GRIP1: variants seen among roughly 807,000 people sequenced by gnomAD.
GRIP1 encodes the protein glutamate receptor interacting protein 1.
GRIP1 carries 45 observed loss-of-function variants against 129.9 expected under a neutral mutation model. The observed-to-expected ratio is 0.35, with a 90% CI of 0.27 to 0.44. The LOEUF is 0.44. Among genes scored for constraint, GRIP1 ranks in the 20% least tolerant of loss-of-function variants. The probability of loss-of-function intolerance (pLI) is 1.00; values close to 1 mark genes in which losing one functional copy is unlikely to be tolerated. For synonymous variants in GRIP1, 530 were observed against 520.8 expected (o/e 1.02, Z -0.24); for missense variants, 1,196 against 1,396.8 (o/e 0.86, Z 2.29).
chr12:66,764,442 C>T (rs2037566221), intron 1 of GRIP1, among the ~76,000 whole-genome samples: 1 of 152,150 alleles, frequency 6.6e-6, no homozygotes, highest in Admixed American at 6.5e-5. Context: ...TAAGAGAAAG[C>T]ATTACTGAGG....
chr12:66,517,778 T>C (rs1487610817), intron 6 of GRIP1, 123 bp downstream of exon 6: 18 of 704,018 alleles, frequency 2.6e-5, no homozygotes, highest in Admixed American at 4.2e-5. Context: ...AATTTTCACA[T>C]TGTAACATGT....
intron 1 of GRIP1, among the ~76,000 whole-genome samples, chr12:67,036,992 A>G (rs1288996313): frequency 1.3e-5 from 2 of 152,154 alleles, no homozygotes; most frequent in Non-Finnish European, 2.9e-5. Flanking sequence ...GGTTTGGGGA[A>G]TACACATGCA....
In GRIP1 at chr12:66,730,657, A is replaced by T. The variant is rs78156876; in HGVS notation, c.-420+73396T>A. On this transcript the variant is annotated intron_variant, in intron 1 of 4. Transcript: ENST00000538373. ...GCTCTTAAGTACAAGCCCAAAGCCTAAATGGATACTAGTCCAAAAATAAGA... is the reference window on the plus strand; with the variant it reads ...GCTCTTAAGTACAAGCCCAAAGCCTTAATGGATACTAGTCCAAAAATAAGA... 3.3e-5 allele frequency among the ~76,000 whole-genome samples: 5 copies of T among 150,546 alleles called. No homozygotes were observed. In the East Asian group the frequency reaches 9.8e-4, roughly 29 times the overall value.
At chr12:66,448,961 T>C (rs546257059) in intron 11 of GRIP1, among the ~76,000 whole-genome samples, 10 of 152,340 alleles carry the variant, frequency 6.6e-5, no homozygotes, top group Admixed American at 5.2e-4. Context: ...TCCACTCTCC[T>C]GTTTCTCTGT....
intron 1 of GRIP1, among the ~76,000 whole-genome samples, chr12:66,803,710 T>C (rs2038920801): frequency 6.6e-6 from 1 of 152,190 alleles, no homozygotes; most frequent in Admixed American, 6.5e-5. Context: ...GCCTTCCCTA[T>C]TCTGAAAGAA....
At chr12:66,741,681 T>C (rs918364795) in intron 1 of GRIP1, among the ~76,000 whole-genome samples, 1 of 152,188 alleles carries the variant, frequency 6.6e-6, no homozygotes. Context: ...GGTTTCATAT[T>C]GGGGGGTTGC....
chr12:66,989,916 AT>A (rs1473229226), intron 1 of GRIP1, among the ~76,000 whole-genome samples: 1 of 152,232 alleles, frequency 6.6e-6, no homozygotes, highest in Non-Finnish European at 1.5e-5. Context: ...AAAAGGAATT[AT>A]AAATTCCAAG....
intron 17 of GRIP1, among the ~76,000 whole-genome samples, 172 bp from the exon 18 acceptor site, chr12:66,392,988 G>T (rs952496068): frequency 2.0e-5 from 3 of 151,898 alleles, no homozygotes; most frequent in Non-Finnish European, 4.4e-5. Flanking sequence ...ATCTGTTGTG[G>T]ATTACTTTTT....
chr12:66,698,088 C>A (rs183749596), intron 1 of GRIP1, among the ~76,000 whole-genome samples: 4 of 152,246 alleles, frequency 2.6e-5, no homozygotes, highest in East Asian at 1.9e-4. Flanking sequence ...ATATTTACAA[C>A]AATCAGAGAT....
chr12:66,408,173 C>T (rs1341507206), intron 15 of GRIP1, among the ~76,000 whole-genome samples: 1 of 152,090 alleles, frequency 6.6e-6, no homozygotes, highest in African/African-American at 2.4e-5. Context: ...AAATATCCCT[C>T]GGGCCCTGAA....
intron 16 of GRIP1, among the ~76,000 whole-genome samples, chr12:66,404,719 T>A (rs776298391): frequency 2.6e-5 from 4 of 152,106 alleles, no homozygotes; most frequent in Non-Finnish European, 5.9e-5. Flanking sequence ...TTTGGAAAGA[T>A]TCAATAAGGG....
At chr12:66,946,905 G>A (rs531116503) in intron 1 of GRIP1, among the ~76,000 whole-genome samples, 4 of 151,892 alleles carry the variant, frequency 2.6e-5, no homozygotes, top group South Asian at 2.1e-4. Context: ...TTAGCCAGGC[G>A]TGGTGGTTGG....
Position 66,977,637 on chromosome 12 carries a change from T to A in GRIP1, c.58+91413A>T, listed in dbSNP as rs115151357. ...TAGATTAGTTTTGCCCATTTTTAAG[T>A]TTATATAAATGGGAATCAAACAATA... On this transcript the variant is annotated intron_variant, in intron 1 of 1. Transcript: ENST00000643019. Among the ~76,000 whole-genome samples, 991 of 152,128 alleles carry A rather than the reference T, an allele frequency of 6.5e-3. 19 individuals are homozygous for A. Among genetic ancestry groups the A allele is most frequent in the African/African-American group, 0.023 (950 of 41,488 alleles).
At chr12:66,820,303 A>G (rs1363940591) in intron 1 of GRIP1, among the ~76,000 whole-genome samples, 1 of 152,182 alleles carries the variant, frequency 6.6e-6, no homozygotes, top group East Asian at 1.9e-4. Flanking sequence ...AGCAATAAGA[A>G]AGCACTACAC....
intron 1 of GRIP1, among the ~76,000 whole-genome samples, chr12:66,814,339 T>C (rs1018524710): frequency 6.6e-6 from 1 of 152,046 alleles, no homozygotes; most frequent in Admixed American, 6.6e-5. Flanking sequence ...AAAATTTAAA[T>C]GTATTGTTAT....
At chr12:66,961,929 T>C (rs1452527039) in intron 1 of GRIP1, among the ~76,000 whole-genome samples, 1 of 152,190 alleles carries the variant, frequency 6.6e-6, no homozygotes, top group Non-Finnish European at 1.5e-5. Context: ...AAAGGGTGGA[T>C]TTCTATGCAG....
intron 1 of GRIP1, among the ~76,000 whole-genome samples, chr12:66,962,658 G>A (rs1454380103): frequency 1.3e-5 from 2 of 151,920 alleles, no homozygotes; most frequent in African/African-American, 2.4e-5. Flanking sequence ...AGGGGTCCAG[G>A]ACTTTTAAAT....
intron 5 of GRIP1, among the ~76,000 whole-genome samples, chr12:66,527,407 T>G (rs1455894447): frequency 1.3e-5 from 2 of 152,026 alleles, no homozygotes; most frequent in African/African-American, 4.8e-5. Flanking sequence ...ACCATCATTC[T>G]CAGCAAACTA....
At chr12:66,949,308 T>G (rs1771033084) in intron 1 of GRIP1, among the ~76,000 whole-genome samples, 1 of 152,152 alleles carries the variant, frequency 6.6e-6, no homozygotes, top group African/African-American at 2.4e-5. Context: ...GAGAAAAAAT[T>G]TTGAGAGTTT....
Sources: gnomAD v4.1 joint callset for allele counts (sites outside exome capture counted in the v4.1 genomes callset) on GRCh38, gnomAD v4.1.1 for gene constraint, MANE v1.5 for transcripts, NCBI Gene and HGNC (gene_info 2026-07-23, HGNC 2026-07-21) for gene names.